The following SYTL2 variants were observed in gnomAD, a reference collection of about 807,000 sequenced individuals.
SYTL2 encodes synaptotagmin like 2.
In SYTL2, 165 loss-of-function variants were observed where a neutral mutation model predicts 198.7. The ratio of observed to expected loss-of-function variants is 0.83; its 90% CI spans 0.73 to 0.94. SYTL2 has a LOEUF of 0.94. Among genes scored for constraint, SYTL2 ranks in the 40% least tolerant of loss-of-function variants. SYTL2 has a pLI of 0.00. For synonymous variants in SYTL2, 966 were observed against 917.7 expected (o/e 1.05, Z -0.95); for missense variants, 2,835 against 2,582.8 (o/e 1.10, Z -2.12).
rs1386013888 is a variant in SYTL2, at chr11:85,730,829, G to C, written c.1391-2862C>G. ...GTCTCTTTTTGCAGATGACATGATT[G>C]TATATTTAGAAAACCTCATCGTCTC... is the stretch of plus-strand genomic sequence containing the variant. On this transcript the variant is annotated intron_variant, in intron 7 of 19. Transcript: ENST00000359152. Among the ~76,000 whole-genome samples, 3 of 152,090 alleles carry C rather than the reference G, an allele frequency of 2.0e-5. No individual in the cohort carries two copies. The East Asian group carries it at 5.8e-4, about 29-fold the overall frequency.
intron 12 of SYTL2, among the ~76,000 whole-genome samples, chr11:85,711,905 A>G (rs1025600069): frequency 6.6e-6 from 1 of 152,246 alleles, no homozygotes; most frequent in Non-Finnish European, 1.5e-5. Context: ...AAAAAGAAGT[A>G]AAATACAGGT....
At chr11:85,780,689 C>G (rs2092544754) in intron 1 of SYTL2, among the ~76,000 whole-genome samples, 2 of 152,146 alleles carry the variant, frequency 1.3e-5, no homozygotes. Context: ...TTGCAATATC[C>G]TTTATAATAA....
chr11:85,736,039 C>T (rs1257832976), intron 6 of SYTL2, among the ~76,000 whole-genome samples: 1 of 152,234 alleles, frequency 6.6e-6, no homozygotes, highest in Non-Finnish European at 1.5e-5. Context: ...GGCTGACTTA[C>T]ATCAATTGAG....
chr11:85,832,884 T>C, the SYTL2 span, among the ~76,000 whole-genome samples: 1 of 150,742 alleles, frequency 6.6e-6, no homozygotes, highest in Non-Finnish European at 1.5e-5. Context: ...TAGTCCCAGC[T>C]ACTTGAGAGG....
intron 1 of SYTL2, among the ~76,000 whole-genome samples, chr11:85,784,171 C>G (rs2092602906): frequency 6.6e-6 from 1 of 152,050 alleles, no homozygotes; most frequent in Non-Finnish European, 1.5e-5. Context: ...TTCTAGAGAC[C>G]CTGACAGAGG....
At chr11:85,808,121 C>T (rs576556444) in intron 1 of SYTL2, among the ~76,000 whole-genome samples, 6 of 152,104 alleles carry the variant, frequency 3.9e-5, no homozygotes, top group Non-Finnish European at 8.8e-5. Context: ...GGCTGGAGTA[C>T]AGTGGCATGA....
intron 1 of SYTL2, among the ~76,000 whole-genome samples, chr11:85,794,075 G>T (rs2092769379): frequency 6.6e-6 from 1 of 152,046 alleles, no homozygotes; most frequent in South Asian, 2.1e-4. Flanking sequence ...TCACTATGCT[G>T]CCCAGGCTGG....
intron 14 of SYTL2, chr11:85,708,165 A>AG: frequency 2.3e-6 from 1 of 433,652 alleles, no homozygotes; most frequent in Non-Finnish European, 4.6e-6. Flanking sequence ...AAAAAAAAAA[A>AG]GAAAAAAAGA....
chr11:85,826,678 A>C, the SYTL2 span, among the ~76,000 whole-genome samples: 9 of 152,230 alleles, frequency 5.9e-5, no homozygotes, highest in Non-Finnish European at 1.2e-4. Context: ...TGTCAGAGAG[A>C]GAGCTCTCAC....
chr11:85,808,852 C>A (rs758435222), intron 1 of SYTL2, among the ~76,000 whole-genome samples: 13 of 149,850 alleles, frequency 8.7e-5, no homozygotes, highest in Middle Eastern at 6.8e-3. Context: ...AGAGTGACAA[C>A]CTCATTAATA....
At chr11:85,712,966 G>A (rs926711573) in intron 12 of SYTL2, among the ~76,000 whole-genome samples, 15 of 152,058 alleles carry the variant, frequency 9.9e-5, no homozygotes, top group South Asian at 8.3e-4. Context: ...GGATCTGCCC[G>A]TCTCAGTTTC....
rs201110934 is a variant in SYTL2, at chr11:85,700,622, G to A, written c.6190-29C>T. 83 of 1,569,338 alleles carry A rather than the reference G, an allele frequency of 5.3e-5. No individual in the cohort carries two copies. In the African/African-American group the frequency reaches 1.0e-3, roughly 19 times the overall value. On this transcript the variant is annotated intron_variant, in intron 16 of 19. Coordinates refer to ENST00000359152, the MANE Select transcript of SYTL2 (RefSeq NM_206927.4). ...AAAAGTGAAGAAATGTCAGCAGGTGGGAGACAAACTTTTCATCCTGTTTGT... is the reference window on the plus strand; with the variant it reads ...AAAAGTGAAGAAATGTCAGCAGGTGAGAGACAAACTTTTCATCCTGTTTGT...
chr11:85,794,375 C>T (rs1232052054), intron 1 of SYTL2, among the ~76,000 whole-genome samples: 1 of 151,990 alleles, frequency 6.6e-6, no homozygotes, highest in African/African-American at 2.4e-5. Flanking sequence ...GAGACAGGTT[C>T]TCCCTATGTT....
chr11:85,773,960 G>GT (rs2092407051), intron 1 of SYTL2, among the ~76,000 whole-genome samples: 1 of 54,896 alleles, frequency 1.8e-5, no homozygotes, highest in South Asian at 3.9e-4. Flanking sequence ...CCAGCTATGT[G>GT]GTTTTTTCTT....
At chr11:85,761,297 G>A (rs1005109309) in intron 1 of SYTL2, among the ~76,000 whole-genome samples, 1 of 152,202 alleles carries the variant, frequency 6.6e-6, no homozygotes, top group South Asian at 2.1e-4. Context: ...TAAAGAGAGT[G>A]GTTAGGGTAG....
intron 1 of SYTL2, among the ~76,000 whole-genome samples, chr11:85,766,564 A>G (rs1014449552): frequency 6.6e-6 from 1 of 152,216 alleles, no homozygotes; most frequent in Admixed American, 6.5e-5. Context: ...GGGAAGCACC[A>G]AGAGGCTTGC....
chr11:85,777,126 T>C (rs76095821), intron 1 of SYTL2, among the ~76,000 whole-genome samples: 3,053 of 152,302 alleles, frequency 0.02, 38 homozygotes, highest in Middle Eastern at 0.054. Context: ...CAAAAGAGCA[T>C]TGTCTTTCAT....
chr11:85,793,122 A>C (rs1312616010), intron 1 of SYTL2, among the ~76,000 whole-genome samples: 1 of 151,802 alleles, frequency 6.6e-6, no homozygotes, highest in East Asian at 1.9e-4. Flanking sequence ...AGCATGATTT[A>C]TAGTCCTTTG....
chr11:85,760,036 C>G (rs144589677), intron 1 of SYTL2, among the ~76,000 whole-genome samples: 6 of 152,184 alleles, frequency 3.9e-5, no homozygotes, highest in African/African-American at 1.4e-4. Context: ...GCCTGTGACT[C>G]GCTTTGGCCA....
Sources: gnomAD v4.1 joint callset for allele counts (sites outside exome capture counted in the v4.1 genomes callset) on GRCh38, gnomAD v4.1.1 for gene constraint, MANE v1.5 for transcripts, NCBI Gene and HGNC (gene_info 2026-07-23, HGNC 2026-07-21) for gene names.